The following KLF17 variants were observed in gnomAD, a reference collection of about 807,000 sequenced individuals.
The protein encoded by KLF17 is KLF transcription factor 17.
In KLF17, 31 loss-of-function variants were observed where a neutral mutation model predicts 34.2. The ratio of observed to expected loss-of-function variants is 0.91; its 90% CI spans 0.68 to 1.22. The LOEUF (loss-of-function observed/expected upper bound fraction) is 1.22, where lower values mean the gene tolerates loss of function less well. KLF17 is among the 50% of genes most tolerant of loss of function. KLF17 has a pLI of 0.00. For missense variants in KLF17, 478 were observed against 505.2 expected, an observed-to-expected ratio of 0.95 and a Z score of 0.52; for synonymous variants, 179 against 186.7, an observed-to-expected ratio of 0.96 and a Z score of 0.34.
chr1:44,103,812 T>G, the KLF17 span: 4 of 836,434 alleles, frequency 4.8e-6, no homozygotes, highest in Non-Finnish European at 8.3e-6. Flanking sequence ...TTTGAGGCAC[T>G]CAGTCTCAGC....
the KLF17 span, among the ~76,000 whole-genome samples, chr1:44,083,109 T>A: frequency 6.6e-6 from 1 of 151,080 alleles, no homozygotes; most frequent in Non-Finnish European, 1.5e-5. Flanking sequence ...CCCAGCTAAT[T>A]AAAAAAAAAT....
chr1:44,087,727 TATATATATATATATATA>T, the KLF17 span, among the ~76,000 whole-genome samples: 46 of 55,854 alleles, frequency 8.2e-4, 1 homozygote, highest in South Asian at 8.5e-4. Flanking sequence ...ATATATTTTA[TATATATATATATATATA>T]TATATATATA....
chr1:44,078,001 C>G, the KLF17 span, among the ~76,000 whole-genome samples: 2 of 152,138 alleles, frequency 1.3e-5, no homozygotes, highest in African/African-American at 4.8e-5. Context: ...GGATACTAGT[C>G]CCTTATTGAT....
At chr1:44,067,781 A>G in the KLF17 span, among the ~76,000 whole-genome samples, 1 of 152,062 alleles carries the variant, frequency 6.6e-6, no homozygotes, top group Non-Finnish European at 1.5e-5. Context: ...CAGAGCACCA[A>G]CAGTGAGCCA....
the KLF17 span, among the ~76,000 whole-genome samples, chr1:44,092,346 C>CA: frequency 1.3e-5 from 2 of 151,804 alleles, no homozygotes; most frequent in African/African-American, 2.4e-5. Context: ...AACTTCGTCT[C>CA]AAAAAAAACT....
chr1:44,087,931 A>G, the KLF17 span: 1 of 197,574 alleles, frequency 5.1e-6, no homozygotes, highest in African/African-American at 2.3e-5. Flanking sequence ...AGAAGCAGGT[A>G]TGGGTAGGTG....
the KLF17 span, among the ~76,000 whole-genome samples, chr1:44,080,268 T>A: frequency 8.8e-5 from 12 of 136,836 alleles, no homozygotes; most frequent in Non-Finnish European, 1.5e-4. Flanking sequence ...AGACGGAGTC[T>A]TGCTCTGTCG....
chr1:44,128,679 G>A (rs942802597), intron 1 of KLF17, among the ~76,000 whole-genome samples: 1 of 152,108 alleles, frequency 6.6e-6, no homozygotes, highest in African/African-American at 2.4e-5. Flanking sequence ...CACCCGTTCT[G>A]CTGGTTTGGG....
chr1:44,127,583 C>T (rs368739174), intron 1 of KLF17, among the ~76,000 whole-genome samples: 17 of 151,382 alleles, frequency 1.1e-4, no homozygotes, highest in South Asian at 4.2e-4. Flanking sequence ...GTGATCCACC[C>T]GCCTCGGTGG....
At chr1:44,110,145 G>C in the KLF17 span, among the ~76,000 whole-genome samples, 1 of 152,010 alleles carries the variant, frequency 6.6e-6, no homozygotes, top group Admixed American at 6.6e-5. Context: ...GACCTCAAGT[G>C]ATCTACCTGC....
upstream of KLF17, among the ~76,000 whole-genome samples, chr1:44,117,627 C>A (rs1479217698): frequency 1.3e-5 from 2 of 152,030 alleles, no homozygotes; most frequent in African/African-American, 4.8e-5. Flanking sequence ...TCCTGAGTAG[C>A]TGGGATTACA....
the KLF17 span, among the ~76,000 whole-genome samples, chr1:44,071,912 C>T: frequency 6.6e-6 from 1 of 152,068 alleles, no homozygotes; most frequent in Admixed American, 6.6e-5. Context: ...AGCTTCCCCT[C>T]CACCCCCATC....
the KLF17 span, among the ~76,000 whole-genome samples, chr1:44,085,533 C>T: frequency 6.6e-6 from 1 of 152,064 alleles, no homozygotes; most frequent in Non-Finnish European, 1.5e-5. Context: ...TGGCTCACGC[C>T]TATAATCCCA....
At chr1:44,044,859 T>G in the KLF17 span, 1 of 152,184 alleles carries the variant, frequency 6.6e-6, no homozygotes, top group African/African-American at 2.4e-5. Flanking sequence ...AAAACAAGAG[T>G]AGACCCAGAT....
At chr1:44,095,387 G>C in the KLF17 span, among the ~76,000 whole-genome samples, 78 of 151,394 alleles carry the variant, frequency 5.2e-4, no homozygotes, top group African/African-American at 1.9e-3. Context: ...GGCTAATTTT[G>C]TATTTTTAGT....
chr1:44,060,140 C>T, the KLF17 span, among the ~76,000 whole-genome samples: 1 of 152,038 alleles, frequency 6.6e-6, no homozygotes, highest in Non-Finnish European at 1.5e-5. Context: ...TCCAGGAAGC[C>T]ACCTGTTCCT....
chr1:44,079,160 G>A, the KLF17 span, among the ~76,000 whole-genome samples: 1 of 151,968 alleles, frequency 6.6e-6, no homozygotes, highest in African/African-American at 2.4e-5. Flanking sequence ...TCTATTCCAA[G>A]CTTACTCCTT....
At chr1:44,107,017 AGAT>A in the KLF17 span, 2 of 152,134 alleles carry the variant, frequency 1.3e-5, no homozygotes, top group Non-Finnish European at 2.9e-5. Flanking sequence ...TAGAGTGCAG[AGAT>A]GATTCTCTTT....
the KLF17 span, among the ~76,000 whole-genome samples, chr1:44,093,429 T>A: frequency 1.3e-5 from 2 of 152,300 alleles, no homozygotes; most frequent in South Asian, 4.1e-4. Context: ...AGTTTCACTC[T>A]TGTCCCCCAA....
Sources: allele counts gnomAD v4.1 joint callset (sites outside exome capture counted in the v4.1 genomes callset), GRCh38; gene constraint gnomAD v4.1.1; transcripts MANE v1.5; gene names NCBI Gene and HGNC (gene_info 2026-07-23, HGNC 2026-07-21).